Variants in AFF3 observed in about 807,000 individuals in gnomAD.
AFF3 encodes AF4/FMR2 family member 3.
Under a neutral mutation model 129.7 loss-of-function variants are expected in AFF3, and 32 were observed. The ratio of observed to expected loss-of-function variants is 0.25; its 90% CI spans 0.19 to 0.33. The LOEUF (loss-of-function observed/expected upper bound fraction) is 0.33. Ranked by LOEUF, AFF3 falls within the 10% of genes least tolerant of loss-of-function variation. AFF3 has a pLI of 1.00. For missense variants in AFF3, 1,373 were observed against 1,592.0 expected, an observed-to-expected ratio of 0.86 and a Z score of 2.34; for synonymous variants, 644 against 635.4, an observed-to-expected ratio of 1.01 and a Z score of -0.20.
At chr2:99,811,720 C>T (rs1297456417) in intron 8 of AFF3, among the ~76,000 whole-genome samples, 2 of 152,306 alleles carry the variant, frequency 1.3e-5, no homozygotes, top group Non-Finnish European at 1.5e-5. Flanking sequence ...GACAAGGGAA[C>T]GAAAGGACAG....
At chr2:99,884,211 A>T (rs1692935167) in intron 7 of AFF3, among the ~76,000 whole-genome samples, 1 of 152,222 alleles carries the variant, frequency 6.6e-6, no homozygotes, top group Non-Finnish European at 1.5e-5. Context: ...TAAAAAGTAT[A>T]CGTATTTATG....
At chr2:100,137,530 C>T (rs994661223) in intron 1 of AFF3, among the ~76,000 whole-genome samples, 13 of 137,034 alleles carry the variant, frequency 9.5e-5, no homozygotes, top group African/African-American at 2.8e-4. Flanking sequence ...CACGTGCACA[C>T]GTGCATACAC....
At chr2:99,983,757 T>A (rs895698893) in intron 7 of AFF3, among the ~76,000 whole-genome samples, 15 of 152,260 alleles carry the variant, frequency 9.9e-5, no homozygotes, top group African/African-American at 3.6e-4. Flanking sequence ...TGGTCTGAGT[T>A]TAATCAAAAG....
At chr2:100,017,201 C>G (rs944488827) in intron 4 of AFF3, among the ~76,000 whole-genome samples, 7 of 152,040 alleles carry the variant, frequency 4.6e-5, no homozygotes, top group Admixed American at 4.6e-4. Flanking sequence ...GCTCACTTAT[C>G]CTGGATTTTC....
chr2:99,690,238 T>C (rs1675488911), intron 11 of AFF3, among the ~76,000 whole-genome samples: 1 of 148,334 alleles, frequency 6.7e-6, no homozygotes, highest in South Asian at 2.2e-4. Flanking sequence ...TGGAGTGCAG[T>C]GGCGCGATCT....
At chr2:100,048,514 T>A (rs923766121) in intron 4 of AFF3, among the ~76,000 whole-genome samples, 17 of 152,248 alleles carry the variant, frequency 1.1e-4, no homozygotes. Context: ...TGGAAGTGTA[T>A]GATTTAATTA....
In AFF3 at chr2:100,014,180, G is replaced by A. The variant is rs146721489; in HGVS notation, c.54-5248C>T. On this transcript the variant is annotated intron_variant, in intron 4 of 24. Coordinates refer to ENST00000672756, the MANE Select transcript of AFF3 (RefSeq NM_001386135.1). ...CCCATGGAGGAGACTTTTAGGCAAG[G>A]GTATATGAAGCCAATTGTATCCCTT... Among the ~76,000 whole-genome samples the A allele has an allele frequency of 1.3e-3, 191 of 151,684 alleles. 2 individuals are homozygous for A. The Middle Eastern group carries it at 0.02, about 16-fold the overall frequency.
In AFF3 at chr2:99,618,224, C is replaced by CTTTTTT. The variant is rs70940180; in HGVS notation, c.1185-16609_1185-16604dup. ...TAGATGAGAAAATGCTCATAACATT[C>CTTTTTT]TTTTTTTTTTTTTTTTTTTTTTTTT... On this transcript the variant is annotated intron_variant, in intron 13 of 24. Coordinates refer to ENST00000672756, the MANE Select transcript of AFF3 (RefSeq NM_001386135.1). Among the ~76,000 whole-genome samples, 154 of 80,068 alleles carry CTTTTTT rather than the reference C, an allele frequency of 1.9e-3. 20 individuals carry two copies. The highest frequency in any genetic ancestry group is 4.1e-3 in the African/African-American group (72 of 17,688). 52.5% of individuals were successfully genotyped at this position (80,068 alleles called of 152,430 possible). A position where few individuals can be genotyped will look rare whatever the true frequency, so the allele number is the denominator to read the frequency against.
chr2:99,574,255 G>A (rs1312142046), intron 18 of AFF3, among the ~76,000 whole-genome samples: 3 of 151,572 alleles, frequency 2.0e-5, no homozygotes, highest in East Asian at 3.8e-4. Context: ...AATGTTGTGC[G>A]TTTGCTTAAT....
intron 4 of AFF3, among the ~76,000 whole-genome samples, chr2:100,019,195 A>T (rs1214903858): frequency 6.6e-6 from 1 of 152,062 alleles, no homozygotes; most frequent in Non-Finnish European, 1.5e-5. Context: ...CGTTAGCCGT[A>T]AAAAAAGGCT....
chr2:99,559,064 A>T, intron 21 of AFF3, 96 bp from the exon 22 acceptor site: 1 of 1,027,524 alleles, frequency 9.7e-7, no homozygotes. Flanking sequence ...GGTACTCAAT[A>T]ACAATACCTT....
At chr2:99,746,125 TA>T (rs1043296003) in intron 9 of AFF3, among the ~76,000 whole-genome samples, 10 of 133,322 alleles carry the variant, frequency 7.5e-5, no homozygotes, top group African/African-American at 2.5e-4. Context: ...GCTATTAAAA[TA>T]AAAAAAATTT....
At chr2:100,108,127 T>G (rs538388085) in intron 2 of AFF3, among the ~76,000 whole-genome samples, 127 of 152,338 alleles carry the variant, frequency 8.3e-4, no homozygotes, top group Non-Finnish European at 2.2e-4. Context: ...TGCAGACGCA[T>G]GACTCCATCT....
At chr2:99,660,946 T>A (rs546011071) in intron 12 of AFF3, among the ~76,000 whole-genome samples, 2 of 152,322 alleles carry the variant, frequency 1.3e-5, no homozygotes, top group Non-Finnish European at 2.9e-5. Context: ...GCTTGTGAGA[T>A]AACCAGCCCT....
intron 4 of AFF3, among the ~76,000 whole-genome samples, chr2:100,054,881 GC>G: frequency 6.6e-6 from 1 of 152,282 alleles, no homozygotes; most frequent in East Asian, 1.9e-4. Flanking sequence ...CTCTTGGGAA[GC>G]ACTACCCCAG....
chr2:99,557,839 G>T (rs1363910345), intron 22 of AFF3, among the ~76,000 whole-genome samples: 1 of 152,154 alleles, frequency 6.6e-6, no homozygotes, highest in Non-Finnish European at 1.5e-5. Context: ...AGAGGAGGTT[G>T]GGCATGAACA....
intron 7 of AFF3, among the ~76,000 whole-genome samples, chr2:99,944,081 T>A (rs537297084): frequency 2.1e-4 from 32 of 152,150 alleles, no homozygotes; most frequent in African/African-American, 7.5e-4. Flanking sequence ...TTCATATTTT[T>A]GTAGAGAAAG....
intron 8 of AFF3, among the ~76,000 whole-genome samples, chr2:99,796,298 C>A (rs1685552951): frequency 6.6e-6 from 1 of 152,192 alleles, no homozygotes; most frequent in African/African-American, 2.4e-5. Context: ...CATATGAATA[C>A]ACTGTGCTAA....
At chr2:99,961,248 T>TC (rs1677182938) in intron 7 of AFF3, among the ~76,000 whole-genome samples, 1 of 152,204 alleles carries the variant, frequency 6.6e-6, no homozygotes, top group African/African-American at 2.4e-5. Flanking sequence ...AAGATGCTAA[T>TC]CTCCAGCTTT....
Sources: allele counts gnomAD v4.1 joint callset (sites outside exome capture counted in the v4.1 genomes callset), GRCh38; gene constraint gnomAD v4.1.1; transcripts MANE v1.5; gene names NCBI Gene and HGNC (gene_info 2026-07-23, HGNC 2026-07-21).